The following UBE2QL1 variants were observed in gnomAD, a reference collection of about 807,000 sequenced individuals.
The protein encoded by UBE2QL1 is ubiquitin conjugating enzyme E2 QL1, also known as ubiquitin-conjugating enzyme E2Q-like protein 1.
Under a neutral mutation model 12.6 loss-of-function variants are expected in UBE2QL1, and 5 were observed. That is an observed-to-expected ratio of 0.40 (90% confidence interval 0.21 to 0.83). The LOEUF is 0.83. Ranked by LOEUF, UBE2QL1 falls within the 40% of genes least tolerant of loss-of-function variation. The pLI is 0.37. For missense variants in UBE2QL1, 99 were observed against 222.6 expected (o/e 0.44, Z 3.53); for synonymous variants, 96 against 94.5 (o/e 1.02, Z -0.10).
intron 1 of UBE2QL1, among the ~76,000 whole-genome samples, chr5:6,482,428 C>G (rs1274391368): frequency 2.6e-5 from 4 of 152,186 alleles, no homozygotes; most frequent in African/African-American, 7.2e-5. Context: ...CCCACCCTCA[C>G]GTGGCGTCTG....
rs1734657238 is a variant in UBE2QL1 at position 6,495,798 on chromosome 5, AGCTCTGTTCT to A, written c.*4450_*4459del. ...CTCCAAAGACAGTGAAATCATGTAC[AGCTCTGTTCT>A]TAGTTTTCTGCTAGGTTCTACTTAT... On this transcript the variant is annotated 3_prime_UTR_variant, in exon 2 of 2. Transcript: ENST00000399816. Among the ~76,000 whole-genome samples the A allele has an allele frequency of 6.6e-6, 1 of 152,230 alleles. No homozygotes were observed. The highest frequency in any genetic ancestry group is 2.4e-5 in the African/African-American group (1 of 41,452).
chr5:6,486,027 G>A (rs562922907), intron 1 of UBE2QL1, among the ~76,000 whole-genome samples: 24 of 152,264 alleles, frequency 1.6e-4, no homozygotes, highest in African/African-American at 5.3e-4. Context: ...TACCAAAGGA[G>A]AAGATCTTCC....
chr5:6,449,451 G>T (rs1167939462), intron 1 of UBE2QL1, among the ~76,000 whole-genome samples: 3 of 152,000 alleles, frequency 2.0e-5, no homozygotes, highest in East Asian at 1.9e-4. Context: ...CCTGCTTTCC[G>T]TCCCGTCTCT....
intron 1 of UBE2QL1, among the ~76,000 whole-genome samples, chr5:6,452,725 C>G (rs1038341230): frequency 2.0e-5 from 3 of 152,150 alleles, no homozygotes; most frequent in African/African-American, 7.2e-5. Flanking sequence ...CTCTGTAAAC[C>G]TAGACAAAGT....
At chr5:6,491,087 G>C (rs1057309335) in intron 1 of UBE2QL1, 131 bp from the exon 2 acceptor site, 10 of 1,037,886 alleles carry the variant, frequency 9.6e-6, no homozygotes, top group Admixed American at 3.1e-5. Context: ...CCCCCACCCT[G>C]CTGGTGGCCA....
chr5:6,485,855 C>T (rs1734458266), intron 1 of UBE2QL1, among the ~76,000 whole-genome samples: 1 of 152,124 alleles, frequency 6.6e-6, no homozygotes. Context: ...TAATGTCAAC[C>T]TGTTAAGACA....
At chr5:6,451,248 A>AT (rs11385108) in intron 1 of UBE2QL1, among the ~76,000 whole-genome samples, 94,103 of 150,286 alleles carry the variant, frequency 0.63, 30,172 homozygotes, top group Non-Finnish European at 0.71. Context: ...AGAAATGGGG[A>AT]TTTTTTTTTT....
At chr5:6,458,063 T>C (rs1344971023) in intron 1 of UBE2QL1, among the ~76,000 whole-genome samples, 1 of 152,244 alleles carries the variant, frequency 6.6e-6, no homozygotes, top group Non-Finnish European at 1.5e-5. Context: ...ATTACAGCTT[T>C]ATTTATTTTG....
intron 1 of UBE2QL1, among the ~76,000 whole-genome samples, chr5:6,490,043 T>C (rs559719515): frequency 3.9e-4 from 59 of 152,360 alleles, no homozygotes; most frequent in Non-Finnish European, 7.2e-4. Context: ...CAGCCAGTTC[T>C]TTCCAGGCAT....
intron 1 of UBE2QL1, among the ~76,000 whole-genome samples, chr5:6,463,638 TTA>T (rs1739723246): frequency 1.4e-5 from 2 of 147,322 alleles, no homozygotes; most frequent in Admixed American, 6.8e-5. Flanking sequence ...ATTATTATTA[TTA>T]TTTTTGATGC....
chr5:6,462,764 T>C (rs1192820116), intron 1 of UBE2QL1, among the ~76,000 whole-genome samples: 1 of 152,144 alleles, frequency 6.6e-6, no homozygotes, highest in African/African-American at 2.4e-5. Flanking sequence ...CTATGGAAAC[T>C]TCCATACATC....
intron 1 of UBE2QL1, among the ~76,000 whole-genome samples, chr5:6,463,782 C>G (rs542707643): frequency 6.0e-5 from 9 of 150,654 alleles, no homozygotes; most frequent in Admixed American, 4.0e-4. Context: ...CGCCCGCCAC[C>G]ATGCCTGGCT....
chr5:6,465,548 A>C (rs571320291), intron 1 of UBE2QL1, among the ~76,000 whole-genome samples: 1 of 152,242 alleles, frequency 6.6e-6, no homozygotes, highest in South Asian at 2.1e-4. Context: ...GTGGTTCTCA[A>C]CCTCGGTTTC....
chr5:6,463,434 G>A (rs1739715893), intron 1 of UBE2QL1, among the ~76,000 whole-genome samples: 1 of 152,156 alleles, frequency 6.6e-6, no homozygotes. Context: ...AAGGTGCTAA[G>A]TAAGGAACAG....
chr5:6,467,687 T>G (rs925072017), intron 1 of UBE2QL1, among the ~76,000 whole-genome samples: 2 of 152,092 alleles, frequency 1.3e-5, no homozygotes, highest in Non-Finnish European at 1.5e-5. Flanking sequence ...TCTTCTTTCC[T>G]GCAGCTTTTG....
intron 1 of UBE2QL1, among the ~76,000 whole-genome samples, chr5:6,464,922 A>G (rs904459924): frequency 1.3e-5 from 2 of 152,044 alleles, no homozygotes; most frequent in East Asian, 1.9e-4. Context: ...ACCCTCATGT[A>G]TGACTACAGA....
intron 1 of UBE2QL1, among the ~76,000 whole-genome samples, chr5:6,483,384 A>G (rs1734402073): frequency 6.6e-6 from 1 of 152,036 alleles, no homozygotes; most frequent in Non-Finnish European, 1.5e-5. Context: ...GGTTGCAGTG[A>G]GCCAAGATCG....
intron 1 of UBE2QL1, among the ~76,000 whole-genome samples, chr5:6,488,389 A>G (rs1208731851): frequency 6.6e-6 from 1 of 152,126 alleles, no homozygotes; most frequent in Non-Finnish European, 1.5e-5. Flanking sequence ...CAGGATTTTC[A>G]AATAATACCA....
At position 6,478,025 on chromosome 5, in the gene UBE2QL1, C is replaced by G. The variant is rs887910023; in HGVS notation, c.355-13193C>G. ...ATCTCACATCTTTATGAGCACAATT[C>G]CTTCTTTTAAAAATCAGAAAAGTAA... On this transcript the variant is annotated intron_variant, in intron 1 of 1. Transcript: ENST00000399816. The surrounding 1 kb of genome is among the most constrained non-coding windows in gnomAD (Gnocchi z 4.5). 6.6e-6 allele frequency among the ~76,000 whole-genome samples: 1 copy of G among 152,126 alleles called. No individual in the cohort carries two copies. Among genetic ancestry groups the G allele is most frequent in the Non-Finnish European group, 1.5e-5 (1 of 68,026 alleles).
Sources: allele counts gnomAD v4.1 joint callset (sites outside exome capture counted in the v4.1 genomes callset), GRCh38; gene constraint gnomAD v4.1.1; non-coding constraint Gnocchi (gnomAD v3.1); transcripts MANE v1.5; gene names NCBI Gene and HGNC (gene_info 2026-07-23, HGNC 2026-07-21).